Variants in SEMA4G observed in about 807,000 individuals in gnomAD.
SEMA4G encodes the protein semaphorin-4G.
SEMA4G carries 59 observed loss-of-function variants against 81.2 expected under a neutral mutation model. That is an observed-to-expected ratio of 0.73 (90% confidence interval 0.59 to 0.90). The LOEUF is 0.90. Ranked by LOEUF, SEMA4G falls within the 40% of genes least tolerant of loss-of-function variation. The pLI, the probability that SEMA4G is intolerant of heterozygous loss-of-function variation, is 0.00. For missense variants in SEMA4G, 952 were observed against 1,102.3 expected, an observed-to-expected ratio of 0.86 and a Z score of 1.93; for synonymous variants, 404 against 433.9, an observed-to-expected ratio of 0.93 and a Z score of 0.86.
Position 100,973,252 on chromosome 10 carries a change from A to C in SEMA4G, c.248A>C (p.Asp83Ala). The change falls in exon 2 of 14, where the codon GAC (aspartate) becomes GCC (alanine). Residue 83 changes from aspartate to alanine, a missense_variant. Physicochemically the swap from Asp to Ala is moderately radical, Grantham distance 126 (BLOSUM62 -2). Coordinates refer to ENST00000370250, the Ensembl canonical transcript of SEMA4G. The surrounding 1 kb of genome is among the most constrained non-coding windows in gnomAD (Gnocchi z 5.5). ...GCCCTGTTCTCTCTCAGTGCCAACG[A>C]CATAGGAGATGGGGCTCACAAAGAG... 1 of 1,613,316 alleles carries C rather than the reference A, an allele frequency of 6.2e-7. No individual in the cohort carries two copies. Among genetic ancestry groups the C allele is most frequent in the Non-Finnish European group, 8.5e-7 (1 of 1,180,020 alleles).
chr10:100,980,379 C>A (rs1192364237), intron 10 of SEMA4G, 35 bp downstream of exon 11: 2 of 1,581,078 alleles, frequency 1.3e-6, no homozygotes, highest in Non-Finnish European at 1.7e-6. Context: ...CCCTGTTGGC[C>A]CTGATCACTA....
downstream of SEMA4G, chr10:100,985,565 G>A (rs1851411332): frequency 6.6e-6 from 1 of 152,574 alleles, no homozygotes; most frequent in South Asian, 2.1e-4. Context: ...TGGGGAGCCT[G>A]GGCTCAGCTC....
chr10:100,973,105 GCTCA>G lies in SEMA4G; in HGVS notation c.125-21_125-18del. The G allele has an allele frequency of 6.2e-7, 1 of 1,614,092 alleles. No individual in the cohort carries two copies. Among genetic ancestry groups the G allele is most frequent in the Non-Finnish European group, 8.5e-7 (1 of 1,180,006 alleles). The stretch of plus-strand genomic sequence containing the variant: ...GGTGGGGAGGCACCCCAGAACTAGG[GCTCA>G]CTGTTCCTGCTCTCCCCAGAGCTCT... On this transcript the variant is annotated intron_variant, in intron 1 of 13. Transcript: ENST00000370250. This position sits in a 1 kb window ranked among gnomAD's most constrained non-coding sequence, Gnocchi z 5.5.
intron 7 of SEMA4G, 35 bp downstream of exon 8, chr10:100,979,053 G>A: frequency 6.2e-7 from 1 of 1,613,258 alleles, no homozygotes; most frequent in South Asian, 1.1e-5. Flanking sequence ...CGGGTATAGA[G>A]GCTGGACCTC....
intron 4 of SEMA4G, 197 bp from the exon 6 acceptor site, chr10:100,978,098 T>A (rs1313315143): frequency 1.7e-6 from 1 of 589,760 alleles, no homozygotes; most frequent in Non-Finnish European, 3.0e-6. Flanking sequence ...CTTGCAGATT[T>A]GGAACTCCAA....
At chr10:100,981,899 A>G (rs1206295438) in intron 13 of SEMA4G, among the ~76,000 whole-genome samples, 1 of 151,810 alleles carries the variant, frequency 6.6e-6, no homozygotes, top group African/African-American at 2.4e-5. Context: ...CTCTACAAAA[A>G]ATACAAAAAT....
At chr10:100,983,306 GCCA>G (rs145835827) in exon 14 of SEMA4G, 16 of 1,532,494 alleles carry the variant, frequency 1.0e-5, no homozygotes, top group African/African-American at 4.1e-5. Flanking sequence ...ACCCCACAGG[GCCA>G]CCACCACCAC....
At chr10:100,977,109 G>A (rs1188739296) in intron 3 of SEMA4G, among the ~76,000 whole-genome samples, 1 of 152,206 alleles carries the variant, frequency 6.6e-6, no homozygotes, top group African/African-American at 2.4e-5. Flanking sequence ...AGGTGGGAAA[G>A]ACTGGATAAA....
At chr10:100,983,171 AG>A in intron 13 of SEMA4G, 133 bp from the exon 15 acceptor site, 2 of 1,101,022 alleles carry the variant, frequency 1.8e-6, no homozygotes, top group Non-Finnish European at 2.5e-6. Context: ...ATGAGCACAG[AG>A]CCTGGGTCAG....
chr10:100,981,854 T>TG (rs1851094761), intron 13 of SEMA4G, among the ~76,000 whole-genome samples: 1 of 152,130 alleles, frequency 6.6e-6, no homozygotes, highest in Admixed American at 6.5e-5. Flanking sequence ...GCTCAGGAAT[T>TG]GGAGACCAGC....
chr10:100,977,809 CT>C, intron 4 of SEMA4G, 79 bp downstream of exon 5: 1 of 1,242,898 alleles, frequency 8.0e-7, no homozygotes, highest in East Asian at 2.3e-5. Context: ...AAAGAAGAGA[CT>C]CAGAGCCAGT....
At chr10:100,977,441 G>T (rs1011658034) in intron 3 of SEMA4G, among the ~76,000 whole-genome samples, 191 bp from the exon 5 acceptor site, 1 of 152,192 alleles carries the variant, frequency 6.6e-6, no homozygotes, top group Non-Finnish European at 1.5e-5. Context: ...GAGAAATAGG[G>T]TCATGTTACT....
chr10:100,981,944 G>C (rs1851100341), intron 13 of SEMA4G, among the ~76,000 whole-genome samples: 1 of 151,722 alleles, frequency 6.6e-6, no homozygotes, highest in African/African-American at 2.4e-5. Flanking sequence ...TGTAATCCCA[G>C]CTACTTGGAA....
exon 11 of SEMA4G, chr10:100,980,591 C>T: frequency 6.2e-7 from 1 of 1,614,012 alleles, no homozygotes; most frequent in Non-Finnish European, 8.5e-7. Flanking sequence ...ATGGCTGGAT[C>T]CACAAGGCCG....
intron 3 of SEMA4G, among the ~76,000 whole-genome samples, chr10:100,975,873 TAGCGGCAG>T (rs1850758017): frequency 6.6e-6 from 1 of 151,920 alleles, no homozygotes; most frequent in African/African-American, 2.4e-5. Flanking sequence ...CACTCCAACC[TAGCGGCAG>T]AGCAAGACTC....
intron 12 of SEMA4G, 68 bp from the exon 14 acceptor site, chr10:100,981,100 A>G: frequency 6.2e-7 from 1 of 1,609,534 alleles, no homozygotes. Flanking sequence ...TAACAGACCT[A>G]TCTACCCTTT....
At chr10:100,984,702 C>G in exon 14 of SEMA4G, 2 of 1,536,170 alleles carry the variant, frequency 1.3e-6, no homozygotes, top group East Asian at 2.4e-5. Flanking sequence ...TGCTTCTGGA[C>G]TTGGGGTACC....
Position 100,983,903 on chromosome 10 carries a change from A to AG in SEMA4G, c.2290dup (p.Ala764GlyfsTer13), listed in dbSNP as rs1851276615. On this transcript the variant is annotated frameshift_variant, in exon 14 of 14. Coordinates refer to ENST00000370250, the Ensembl canonical transcript of SEMA4G. LOFTEE classifies it high-confidence loss of function. ...AGATCATCCCTGGGGAGGGAGCCCC[A>AG]GCCCCACCACCCCCACCGCCCCCAC... 2 of 117,626 alleles carry AG rather than the reference A, an allele frequency of 1.7e-5. No individual in the cohort carries two copies. Among genetic ancestry groups the AG allele is most frequent in the Non-Finnish European group, 1.3e-5 (1 of 75,368 alleles). 7.3% of individuals were successfully genotyped at this position (117,626 alleles called of 1,614,324 possible).
In SEMA4G at chr10:100,981,434, G is replaced by A. The variant is rs1208632526; in HGVS notation, c.1690+205G>A. On this transcript the variant is annotated intron_variant, in intron 13 of 13. Coordinates refer to ENST00000370250, the Ensembl canonical transcript of SEMA4G. ...ATTATAAACTAGGAAACATATTTAA[G>A]ATGTGAAGTGTCTTGTCACTTCTGG... 7.4e-6 allele frequency: 12 copies of A among 1,613,970 alleles called. No individual in the cohort carries two copies. The Admixed American group carries it at 1.7e-4, about 22-fold the overall frequency.
Sources: allele counts gnomAD v4.1 joint callset (sites outside exome capture counted in the v4.1 genomes callset), GRCh38; gene constraint gnomAD v4.1.1; non-coding constraint Gnocchi (gnomAD v3.1); transcripts MANE v1.5; gene names NCBI Gene and HGNC (gene_info 2026-07-23, HGNC 2026-07-21).